Variants in NDUFV3 observed in about 807,000 individuals in gnomAD.
NDUFV3 encodes the protein NADH dehydrogenase [ubiquinone] flavoprotein 3, mitochondrial.
In NDUFV3, 44 loss-of-function variants were observed where a neutral mutation model predicts 37.5. The observed-to-expected ratio is 1.17, with a 90% CI of 0.92 to 1.51. The LOEUF is 1.51. NDUFV3 is among the 40% of genes most tolerant of loss of function. The pLI is 0.00. For synonymous variants in NDUFV3, 235 were observed against 239.3 expected, an observed-to-expected ratio of 0.98 and a Z score of 0.17; for missense variants, 580 against 580.4, an observed-to-expected ratio of 1.00 and a Z score of 0.01.
Position 42,903,357 on chromosome 21 carries a change from T to G in NDUFV3, c.345T>G (p.Phe115Leu). The G allele has an allele frequency of 6.2e-7, 1 of 1,614,180 alleles. No homozygotes were observed. Among genetic ancestry groups the G allele is most frequent in the Non-Finnish European group, 8.5e-7 (1 of 1,180,034 alleles). Reference sequence around the variant, plus strand: ...TCACAGATGAAGGGGTTCCGAAATTTTTGTCAAGAAAGACTTTGGTAGAGT... The same window carrying G: ...TCACAGATGAAGGGGTTCCGAAATTGTTGTCAAGAAAGACTTTGGTAGAGT... ...VLFTDEGVPK[F>L]LSRKTLVEFP... The change falls in exon 3 of 4, where the codon TTT becomes TTG. Residue 115 changes from phenylalanine to leucine, a missense_variant. Transcript: ENST00000354250.
At chr21:42,906,564 A>T (rs2058742873) in intron 3 of NDUFV3, among the ~76,000 whole-genome samples, 1 of 152,236 alleles carries the variant, frequency 6.6e-6, no homozygotes, top group African/African-American at 2.4e-5. Flanking sequence ...AACTCGCAGG[A>T]TAAAAACAGA....
At chr21:42,907,098 C>T (rs145301048) in intron 3 of NDUFV3, among the ~76,000 whole-genome samples, 14 of 152,192 alleles carry the variant, frequency 9.2e-5, no homozygotes, top group Admixed American at 2.0e-4. Context: ...CCTGTGTTCC[C>T]GTGCTGGTTT....
chr21:42,893,316 G>T lies in NDUFV3; in HGVS notation c.-18G>T. On this transcript the variant is annotated 5_prime_UTR_variant, in exon 1 of 4. Transcript: ENST00000354250. ...CGCAGCTGCTGTGGCCCTGCTTGGT[G>T]CGCCCGCTGTCACCGCCATGGCTGC... 1.3e-6 allele frequency: 2 copies of T among 1,537,434 alleles called. No homozygotes were observed. Among genetic ancestry groups the T allele is most frequent in the Non-Finnish European group, 1.7e-6 (2 of 1,146,298 alleles).
At chr21:42,906,768 GT>G in intron 3 of NDUFV3, 1 of 466,524 alleles carries the variant, frequency 2.1e-6, no homozygotes, top group Admixed American at 2.4e-5. Flanking sequence ...TTAGATCAGA[GT>G]TTTGTAACCC....
In NDUFV3 at chr21:42,911,887, A is replaced by G. The variant is rs1427656328; in HGVS notation, c.*2866A>G. On this transcript the variant is annotated 3_prime_UTR_variant, in exon 4 of 4. Coordinates refer to ENST00000354250, the MANE Select transcript of NDUFV3 (RefSeq NM_021075.4). ...AAATGGAAATTCCCTTAATATTAAA[A>G]TGAACATGAATATATTTTGATTTGC... 1 of 152,210 alleles carries G rather than the reference A, an allele frequency of 6.6e-6. No homozygotes were observed. Among genetic ancestry groups the G allele is most frequent in the East Asian group, 1.9e-4 (1 of 5,204 alleles). The allele number at this position is 152,210 out of a possible 1,614,324, so 9.4% of individuals were successfully genotyped here. A position where few individuals can be genotyped will look rare whatever the true frequency, so the allele number is the denominator to read the frequency against.
rs987154608 is a variant in NDUFV3 at position 42,913,069 on chromosome 21, ATAAAT to A, written c.*4052_*4056del. On this transcript the variant is annotated 3_prime_UTR_variant, in exon 4 of 4. Transcript: ENST00000354250. The stretch of plus-strand genomic sequence containing the variant: ...ACAGAGCAAGACTCCGTCTCAAAAA[ATAAAT>A]TAATTAATTAAATTAAATAAGTGGG... 3 of 152,200 alleles carry A rather than the reference ATAAAT, an allele frequency of 2.0e-5. No homozygotes were observed. The highest frequency in any genetic ancestry group is 4.8e-5 in the African/African-American group (2 of 41,442). 9.4% of individuals were successfully genotyped at this position (152,200 alleles called of 1,614,324 possible).
rs749004134 is a variant in NDUFV3 at position 42,904,069 on chromosome 21, G to A, written c.1057G>A (p.Glu353Lys). 2.5e-6 allele frequency: 4 copies of A among 1,614,234 alleles called. No homozygotes were observed. Among genetic ancestry groups the A allele is most frequent in the Non-Finnish European group, 3.4e-6 (4 of 1,180,040 alleles). The change falls in exon 3 of 4, where the codon GAA becomes AAA. Residue 353 changes from glutamate to lysine, a missense_variant. Physicochemically the swap from Glu to Lys is moderately conservative, Grantham distance 56 (BLOSUM62 1). Transcript: ENST00000354250. ...GGCGGCCCCTCCCCTGCCCAGAAAG[G>A]AAACCTCAGGGACGCAGGGAATAGA... ...RKAAPPLPRK[E>K]TSGTQGIEGH... is the part of the protein sequence containing the mutation.
chr21:42,902,700 A>G (rs1016892853), intron 2 of NDUFV3, among the ~76,000 whole-genome samples: 1 of 152,210 alleles, frequency 6.6e-6, no homozygotes, highest in African/African-American at 2.4e-5. Context: ...ATAGGCCTAC[A>G]CAGCTAGTCT....
Position 42,904,101 on chromosome 21 carries a change from C to T in NDUFV3, c.1089C>T (p.His363=). 3 of 1,614,224 alleles carry T rather than the reference C, an allele frequency of 1.9e-6. No individual in the cohort carries two copies. Among genetic ancestry groups the T allele is most frequent in the Non-Finnish European group, 2.5e-6 (3 of 1,180,048 alleles). ...CAGGGACGCAGGGAATAGAAGGCCA[C>T]CTGAAGGGTGGACAGGCAATCGTGG... The part of the protein sequence containing the change: ...ETSGTQGIEG[H]LKGGQAIVED... The change falls in exon 3 of 4, where the codon CAC becomes CAT. Residue 363 remains histidine (H), a synonymous_variant. Transcript: ENST00000354250.
chr21:42,896,177 G>A (rs2058690302), intron 1 of NDUFV3, among the ~76,000 whole-genome samples: 1 of 58,182 alleles, frequency 1.7e-5, no homozygotes, highest in African/African-American at 8.5e-5. Flanking sequence ...TTTTTTTTGC[G>A]ACAGAGTCTT....
At chr21:42,894,872 A>G (rs2146145847) in intron 1 of NDUFV3, among the ~76,000 whole-genome samples, 1 of 152,124 alleles carries the variant, frequency 6.6e-6, no homozygotes, top group South Asian at 2.1e-4. Context: ...TTCTGTATCC[A>G]GCATCTAGAA....
chr21:42,903,812 A>C lies in NDUFV3; in HGVS notation c.800A>C (p.Gln267Pro), dbSNP rs1479059063. The change falls in exon 3 of 4, where the codon CAA becomes CCA. Residue 267 changes from glutamine (Q) to proline (P), a missense_variant. Gln to Pro is a moderately conservative substitution (Grantham distance 76). Coordinates refer to ENST00000354250, the MANE Select transcript of NDUFV3 (RefSeq NM_021075.4). The stretch of plus-strand genomic sequence containing the variant: ...TTGAAGCAAAGTTTAAAGGAAAAAC[A>C]ATTGCAGAAAACATTTAGATTAAAT... ...EFLKQSLKEK[Q>P]LQKTFRLNEI... The C allele has an allele frequency of 6.2e-7, 1 of 1,614,130 alleles. No individual in the cohort carries two copies. Among genetic ancestry groups the C allele is most frequent in the Non-Finnish European group, 8.5e-7 (1 of 1,180,034 alleles).
At chr21:42,899,577 T>A (rs2146153167) in intron 2 of NDUFV3, among the ~76,000 whole-genome samples, 1 of 152,318 alleles carries the variant, frequency 6.6e-6, no homozygotes, top group African/African-American at 2.4e-5. Context: ...CCCGAATAGC[T>A]GGGACTACAG....
rs769083391 is a variant in NDUFV3, at chr21:42,893,397, G to A, written c.48+16G>A. ...GGCGCTGAAGGTAAAGGAGGAGCCA[G>A]CCTGGGCTGGCTGCGCGGCCCCGAG... On this transcript the variant is annotated intron_variant, in intron 1 of 3. Coordinates refer to ENST00000354250, the MANE Select transcript of NDUFV3 (RefSeq NM_021075.4). 4 of 1,535,828 alleles carry A rather than the reference G, an allele frequency of 2.6e-6. No homozygotes were observed. Among genetic ancestry groups the A allele is most frequent in the East Asian group, 2.4e-5 (1 of 40,906 alleles).
chr21:42,898,194 T>C (rs1403551594), intron 2 of NDUFV3, among the ~76,000 whole-genome samples: 2 of 152,210 alleles, frequency 1.3e-5, no homozygotes, highest in Non-Finnish European at 2.9e-5. Flanking sequence ...TGTGTGGACT[T>C]GAGGCTTGGA....
intron 3 of NDUFV3, among the ~76,000 whole-genome samples, chr21:42,905,050 A>G (rs138431601): frequency 1.1e-4 from 17 of 152,228 alleles, no homozygotes; most frequent in South Asian, 6.2e-4. Flanking sequence ...CGGCCTCCCA[A>G]AGTGCTGGGA....
intron 2 of NDUFV3, among the ~76,000 whole-genome samples, chr21:42,901,737 C>G (rs1427276542): frequency 6.6e-6 from 1 of 152,202 alleles, no homozygotes; most frequent in Non-Finnish European, 1.5e-5. Flanking sequence ...ACTGCTATCC[C>G]CATGTCATAG....
At chr21:42,904,491 CTTTTT>C (rs11321406) in intron 3 of NDUFV3, among the ~76,000 whole-genome samples, 1 of 125,862 alleles carries the variant, frequency 7.9e-6, no homozygotes, top group Non-Finnish European at 1.6e-5. Flanking sequence ...ATTTAACGTT[CTTTTT>C]TTTTTTTTTT....
chr21:42,893,640 C>T (rs1266847408), intron 1 of NDUFV3, among the ~76,000 whole-genome samples: 1 of 152,196 alleles, frequency 6.6e-6, no homozygotes, highest in Non-Finnish European at 1.5e-5. Context: ...TGGCGTGCCC[C>T]GTGCCGACGG....
Sources: allele counts gnomAD v4.1 joint callset (sites outside exome capture counted in the v4.1 genomes callset), GRCh38; gene constraint gnomAD v4.1.1; transcripts MANE v1.5; gene names NCBI Gene and HGNC (gene_info 2026-07-23, HGNC 2026-07-21).